Variants in NUP188 observed in about 807,000 individuals in gnomAD.
NUP188 encodes nucleoporin 188.
A neutral mutation model predicts 223.0 loss-of-function variants in NUP188; 97 were observed. The observed-to-expected ratio is 0.43, with a 90% confidence interval of 0.37 to 0.51. The LOEUF is 0.51. Ranked by LOEUF, NUP188 falls within the 20% of genes least tolerant of loss-of-function variation. The pLI, the probability that NUP188 is intolerant of heterozygous loss-of-function variation, is 0.00. For missense variants in NUP188, 1,947 were observed against 2,175.6 expected, an observed-to-expected ratio of 0.89 and a Z score of 2.09; for synonymous variants, 869 against 828.0, an observed-to-expected ratio of 1.05 and a Z score of -0.85.
chr9:128,979,350 C>T, intron 13 of NUP188, 23 bp downstream of exon 13: 5 of 1,561,522 alleles, frequency 3.2e-6, no homozygotes, highest in Non-Finnish European at 4.4e-6. Flanking sequence ...GAGAGAGTCA[C>T]TGCATAGCAA....
Position 128,972,173 on chromosome 9 carries a change from C to A in NUP188, c.1114-987C>A, listed in dbSNP as rs188108609. Among the ~76,000 whole-genome samples, 5 of 152,246 alleles carry A rather than the reference C, an allele frequency of 3.3e-5. No individual in the cohort carries two copies. In the South Asian group the frequency reaches 1.0e-3, roughly 32 times the overall value. On this transcript the variant is annotated intron_variant, in intron 11 of 43. Coordinates refer to ENST00000372577, the MANE Select transcript of NUP188 (RefSeq NM_015354.3). ...CACAGACCTTTATAGCAGCTTTATT[C>A]GTAATTACTAAAACTCGAAAGCAAC...
At chr9:128,986,187 A>G (rs1367469879) in intron 20 of NUP188, among the ~76,000 whole-genome samples, 2 of 152,106 alleles carry the variant, frequency 1.3e-5, no homozygotes, top group African/African-American at 4.8e-5. Context: ...CCTTTCTAGT[A>G]TTTCAGTGAT....
intron 30 of NUP188, among the ~76,000 whole-genome samples, chr9:128,996,212 C>T (rs1394251773): frequency 6.6e-6 from 1 of 151,086 alleles, no homozygotes; most frequent in African/African-American, 2.4e-5. Context: ...TGCAGTGGTG[C>T]GATCTTGGCT....
chr9:128,993,399 C>T lies in NUP188; in HGVS notation c.2843C>T (p.Ser948Leu), dbSNP rs775343285. 6 of 1,614,108 alleles carry T rather than the reference C, an allele frequency of 3.7e-6. No individual in the cohort carries two copies. The highest frequency in any genetic ancestry group is 5.1e-6 in the Non-Finnish European group (6 of 1,179,984). The change falls in exon 26 of 44, where the codon TCA (serine) becomes TTA (leucine). Residue 948 changes from serine to leucine, a missense_variant. Physicochemically the swap from Ser to Leu is moderately radical, Grantham distance 145 (BLOSUM62 -2). This residue lies in a region of NUP188 where 225 missense variants were observed against 319.1 expected (regional missense o/e 0.71). Coordinates refer to ENST00000372577, the MANE Select transcript of NUP188 (RefSeq NM_015354.3). ...NLEVKDGSDG[S>L]KEFSLGMWSC... ...GAAGTTAAGGATGGCAGTGATGGCT[C>T]AAAGGTAAGCCTGTAACCTGGGATG...
chr9:128,991,162 C>CTTTTTTTTTTTTTTTTTTT (rs78549616), intron 25 of NUP188, among the ~76,000 whole-genome samples: 1 of 123,480 alleles, frequency 8.1e-6, no homozygotes, highest in Non-Finnish European at 1.7e-5. Flanking sequence ...CTCCAGATTT[C>CTTTTTTTTTTTTTTTTTTT]TTTTTTTTTT....
At position 129,006,593 on chromosome 9, in the gene NUP188, C is replaced by T. The variant is rs1588300265; in HGVS notation, c.5165C>T (p.Ser1722Phe). ...TGVLPSPQGK[S>F]TSLSKASPES... ...GTCCTCCCCTCGCCGCAGGGCAAGT[C>T]CACCTCTCTCTCCAAAGCCAGCCCT... is the stretch of plus-strand genomic sequence containing the variant. The change falls in exon 44 of 44, where the codon TCC becomes TTC. Residue 1722 changes from serine (S) to phenylalanine (F), a missense_variant. This residue lies in a region of NUP188 where 905 missense variants were observed against 990.6 expected (regional missense o/e 0.91). Transcript: ENST00000372577. The T allele has an allele frequency of 2.5e-6, 4 of 1,614,214 alleles. No individual in the cohort carries two copies. The highest frequency in any genetic ancestry group is 1.3e-5 in the African/African-American group (1 of 75,066).
chr9:128,998,741 A>G, intron 32 of NUP188, 118 bp downstream of exon 32: 2 of 782,432 alleles, frequency 2.6e-6, no homozygotes, highest in South Asian at 3.0e-5. Context: ...ATCTTGAGGA[A>G]TGGGAGTGAC....
intron 37 of NUP188, 30 bp from the exon 38 acceptor site, chr9:129,003,287 A>C (rs1217905948): frequency 6.3e-7 from 1 of 1,587,552 alleles, no homozygotes; most frequent in Non-Finnish European, 8.5e-7. Flanking sequence ...AGCCATCCCC[A>C]TCTTTCCCTG....
intron 18 of NUP188, 38 bp from the exon 19 acceptor site, chr9:128,983,436 A>G: frequency 6.2e-7 from 1 of 1,611,978 alleles, no homozygotes; most frequent in Non-Finnish European, 8.5e-7. Context: ...ACATACCTGA[A>G]GATATGTGGG....
intron 2 of NUP188, among the ~76,000 whole-genome samples, chr9:128,951,873 A>G (rs2131136107): frequency 6.6e-6 from 1 of 151,086 alleles, no homozygotes; most frequent in Middle Eastern, 3.4e-3. Context: ...GCTCACCACA[A>G]CCTCTGCCTC....
chr9:128,997,596 C>G (rs796887964), intron 30 of NUP188, among the ~76,000 whole-genome samples: 14 of 151,794 alleles, frequency 9.2e-5, no homozygotes, highest in African/African-American at 3.4e-4. Context: ...CTCACGTGAT[C>G]TTCCCACCTC....
intron 32 of NUP188, 67 bp from the exon 33 acceptor site, chr9:128,999,105 G>T: frequency 1.5e-6 from 2 of 1,358,410 alleles, no homozygotes; most frequent in Non-Finnish European, 2.1e-6. Context: ...CACCCGCCTT[G>T]GCCTCCCAAA....
intron 12 of NUP188, among the ~76,000 whole-genome samples, chr9:128,973,484 G>A (rs1041920872): frequency 2.6e-5 from 4 of 152,128 alleles, no homozygotes; most frequent in African/African-American, 9.7e-5. Flanking sequence ...CTGGGTTCGA[G>A]CGATTCTCCT....
chr9:128,995,630 G>A (rs1842511562), intron 30 of NUP188, 116 bp downstream of exon 30: 1 of 894,690 alleles, frequency 1.1e-6, no homozygotes, highest in East Asian at 2.5e-5. Context: ...ATCCCTGAGA[G>A]CTAAACTGTA....
At chr9:128,980,212 A>C (rs1842236428) in intron 13 of NUP188, among the ~76,000 whole-genome samples, 1 of 152,174 alleles carries the variant, frequency 6.6e-6, no homozygotes, top group African/African-American at 2.4e-5. Context: ...ATAGAACCAC[A>C]GTGCTCCTGG....
At position 128,980,614 on chromosome 9, in the gene NUP188, T is replaced by G. The variant is rs1016961645; in HGVS notation, c.1278T>G (p.Thr426=). 4.3e-6 allele frequency: 7 copies of G among 1,612,816 alleles called. No homozygotes were observed. Among genetic ancestry groups the G allele is most frequent in the Non-Finnish European group, 5.9e-6 (7 of 1,179,352 alleles). Residue 426 remains threonine (T), a synonymous_variant, in exon 14 of 44, where the codon ACT becomes ACG. Coordinates refer to ENST00000372577, the MANE Select transcript of NUP188 (RefSeq NM_015354.3). ...GTCCCCTTCCACCACAGGAGCCAAC[T>G]TCTGGCCTTGGGATCATTCTGGACA... The part of the protein sequence containing the change: ...LPELFWGTEP[T]SGLGIILDSV...
intron 12 of NUP188, among the ~76,000 whole-genome samples, chr9:128,977,692 G>A (rs1324199784): frequency 6.6e-6 from 1 of 151,954 alleles, no homozygotes; most frequent in Non-Finnish European, 1.5e-5. Flanking sequence ...CCAGTTACTC[G>A]GGATGCTGAG....
chr9:128,956,121 T>G (rs566678280), intron 3 of NUP188, among the ~76,000 whole-genome samples: 10 of 152,128 alleles, frequency 6.6e-5, no homozygotes, highest in East Asian at 1.9e-4. Context: ...AACCACTTTT[T>G]TTTTGTTTTG....
At chr9:128,952,271 C>T (rs567336878) in intron 2 of NUP188, among the ~76,000 whole-genome samples, 9 of 152,012 alleles carry the variant, frequency 5.9e-5, no homozygotes, top group South Asian at 2.1e-4. Context: ...TGGTGGCGTG[C>T]GCCTGTAGTC....
Sources: allele counts gnomAD v4.1 joint callset (sites outside exome capture counted in the v4.1 genomes callset), GRCh38; gene constraint gnomAD v4.1.1; regional missense constraint gnomAD v4.1.1; transcripts MANE v1.5; gene names NCBI Gene and HGNC (gene_info 2026-07-23, HGNC 2026-07-21).